The following PALLD variants were observed in gnomAD, a reference collection of about 807,000 sequenced individuals.
PALLD encodes palladin, cytoskeletal associated protein, also known as palladin.
In PALLD, 61 loss-of-function variants were observed where a neutral mutation model predicts 123.5. The observed-to-expected ratio is 0.49, with a 90% CI of 0.40 to 0.61. The LOEUF (loss-of-function observed/expected upper bound fraction) is 0.61. Among genes scored for constraint, PALLD ranks in the 20% least tolerant of loss-of-function variants. The pLI is 0.00. For missense variants in PALLD, 1,273 were observed against 1,377.0 expected, an observed-to-expected ratio of 0.92 and a Z score of 1.20; for synonymous variants, 465 against 496.4, an observed-to-expected ratio of 0.94 and a Z score of 0.84.
intron 2 of PALLD, among the ~76,000 whole-genome samples, chr4:168,590,956 T>G (rs1771360083): frequency 7.7e-6 from 1 of 129,858 alleles, no homozygotes; most frequent in African/African-American, 3.0e-5. Flanking sequence ...CTCGGCTCAC[T>G]GCAACCTCCT....
At chr4:168,775,782 G>A (rs1182861361) in intron 10 of PALLD, among the ~76,000 whole-genome samples, 1 of 152,050 alleles carries the variant, frequency 6.6e-6, no homozygotes, top group East Asian at 1.9e-4. Flanking sequence ...AGCACCATTT[G>A]TTGAAAAGAC....
intron 10 of PALLD, among the ~76,000 whole-genome samples, chr4:168,873,037 C>T (rs561883359): frequency 2.6e-5 from 4 of 152,282 alleles, no homozygotes; most frequent in African/African-American, 9.6e-5. Context: ...AAACACCTAG[C>T]AGCTTACCCC....
At chr4:168,796,954 A>T (rs1363554445) in intron 10 of PALLD, among the ~76,000 whole-genome samples, 1 of 152,226 alleles carries the variant, frequency 6.6e-6, no homozygotes, top group African/African-American at 2.4e-5. Flanking sequence ...GGGCTTTATT[A>T]TGAATACCTG....
chr4:168,545,795 G>C (rs78870381), intron 2 of PALLD, among the ~76,000 whole-genome samples: 8,185 of 152,134 alleles, frequency 0.054, 241 homozygotes, highest in Middle Eastern at 0.16. Flanking sequence ...CATAATGTCA[G>C]TTTATCAATA....
intron 2 of PALLD, among the ~76,000 whole-genome samples, chr4:168,599,612 GCAAGTTAGC>G (rs1190152794): frequency 2.0e-5 from 3 of 152,082 alleles, no homozygotes; most frequent in African/African-American, 7.2e-5. Context: ...ATTAAAAAGA[GCAAGTTAGC>G]CAGGCATGGT....
At chr4:168,674,704 A>G (rs1274206795) in intron 3 of PALLD, among the ~76,000 whole-genome samples, 1 of 152,190 alleles carries the variant, frequency 6.6e-6, no homozygotes, top group Non-Finnish European at 1.5e-5. Context: ...AGGGTTAAAG[A>G]TCAAATGGTA....
In PALLD at chr4:168,540,580, G is replaced by A. The variant is rs1001151658; in HGVS notation, c.908+28168G>A. On this transcript the variant is annotated intron_variant, in intron 2 of 21. Coordinates refer to ENST00000505667, the MANE Select transcript of PALLD (RefSeq NM_001166108.2). Reference sequence around the variant, plus strand: ...AATTATTTTAAATGAGTTTCAGTTTGCGCATTTTTTTAAAAAAAGAGCAAA... The same window carrying A: ...AATTATTTTAAATGAGTTTCAGTTTACGCATTTTTTTAAAAAAAGAGCAAA... Among the ~76,000 whole-genome samples, 5 of 152,132 alleles carry A rather than the reference G, an allele frequency of 3.3e-5. No homozygotes were observed. In the East Asian group the frequency reaches 9.7e-4, roughly 29 times the overall value.
chr4:168,896,366 A>C (rs1444227315), intron 12 of PALLD, among the ~76,000 whole-genome samples, 183 bp from the exon 13 acceptor site: 1 of 152,194 alleles, frequency 6.6e-6, no homozygotes, highest in Non-Finnish European at 1.5e-5. Flanking sequence ...TGAATATCTC[A>C]TGTGATTTAT....
intron 2 of PALLD, among the ~76,000 whole-genome samples, chr4:168,616,606 T>C (rs1475499791): frequency 1.3e-5 from 2 of 152,156 alleles, no homozygotes; most frequent in South Asian, 2.1e-4. Context: ...GAATCCCATA[T>C]GGTATTTCTC....
At chr4:168,600,269 T>C (rs1772504289) in intron 2 of PALLD, among the ~76,000 whole-genome samples, 1 of 152,198 alleles carries the variant, frequency 6.6e-6, no homozygotes, top group Non-Finnish European at 1.5e-5. Context: ...AACAGTTACA[T>C]GTTCTACCAT....
intron 15 of PALLD, among the ~76,000 whole-genome samples, chr4:168,905,314 A>G (rs1340908311): frequency 6.7e-6 from 1 of 149,430 alleles, no homozygotes; most frequent in African/African-American, 2.5e-5. Context: ...TGCCCGGCTA[A>G]TTTTTTTTTA....
chr4:168,666,630 A>G (rs1020521287), intron 2 of PALLD, among the ~76,000 whole-genome samples: 1 of 152,206 alleles, frequency 6.6e-6, no homozygotes, highest in African/African-American at 2.4e-5. Context: ...GATTAGTATA[A>G]GAAAACGATA....
chr4:168,665,654 G>T (rs1779574907), intron 2 of PALLD, among the ~76,000 whole-genome samples: 1 of 152,208 alleles, frequency 6.6e-6, no homozygotes, highest in African/African-American at 2.4e-5. Context: ...TTCTGGTCCA[G>T]AACTTATCAG....
chr4:168,792,958 G>C (rs1475728524), intron 10 of PALLD, among the ~76,000 whole-genome samples: 1 of 151,096 alleles, frequency 6.6e-6, no homozygotes, highest in African/African-American at 2.4e-5. Context: ...GTAGAGACAG[G>C]GTCTCACCAT....
chr4:168,543,405 G>A (rs185146512), intron 2 of PALLD, among the ~76,000 whole-genome samples: 1 of 151,258 alleles, frequency 6.6e-6, no homozygotes, highest in East Asian at 1.9e-4. Flanking sequence ...GGCTTACTAG[G>A]CAAGATGTGG....
In PALLD at chr4:168,877,962, A is replaced by T; in HGVS notation, c.1965-12960A>T. The stretch of plus-strand genomic sequence containing the variant: ...GGCTCCTTCAACTACGCGCGCCCCA[A>T]GCAGTTCATCGCCGCGCAGAACCTC... On this transcript the variant is annotated intron_variant, in intron 10 of 21. Transcript: ENST00000505667. 3 of 1,501,708 alleles carry T rather than the reference A, an allele frequency of 2.0e-6. No individual in the cohort carries two copies. Among genetic ancestry groups the T allele is most frequent in the African/African-American group, 1.5e-5 (1 of 68,914 alleles). 93.0% of individuals were successfully genotyped at this position (1,501,708 alleles called of 1,614,324 possible).
chr4:168,659,646 G>C (rs950284781), intron 2 of PALLD, among the ~76,000 whole-genome samples: 9 of 152,166 alleles, frequency 5.9e-5, no homozygotes, highest in Non-Finnish European at 1.2e-4. Flanking sequence ...GCACCTGATT[G>C]TTTCCATTAA....
At chr4:168,682,648 T>G (rs1781658077) in intron 4 of PALLD, among the ~76,000 whole-genome samples, 1 of 152,208 alleles carries the variant, frequency 6.6e-6, no homozygotes, top group African/African-American at 2.4e-5. Flanking sequence ...CAATAAAGAT[T>G]GGATTTTTTC....
At chr4:168,798,391 T>C (rs911619039) in intron 10 of PALLD, among the ~76,000 whole-genome samples, 3 of 152,180 alleles carry the variant, frequency 2.0e-5, no homozygotes, top group Non-Finnish European at 4.4e-5. Context: ...AATTTGCAAG[T>C]GTCATTTTCT....
Sources: gnomAD v4.1 joint callset for allele counts (sites outside exome capture counted in the v4.1 genomes callset) on GRCh38, gnomAD v4.1.1 for gene constraint, MANE v1.5 for transcripts, NCBI Gene and HGNC (gene_info 2026-07-23, HGNC 2026-07-21) for gene names.